Variants in PANK1 observed in about 807,000 individuals in gnomAD.
PANK1 encodes pantothenate kinase 1, also known as pantothenic acid kinase 1.
In PANK1, 18 loss-of-function variants were observed where a neutral mutation model predicts 40.1. The ratio of observed to expected loss-of-function variants is 0.45; its 90% CI spans 0.31 to 0.67. PANK1 has a LOEUF of 0.67. Ranked by LOEUF, PANK1 falls within the 30% of genes least tolerant of loss-of-function variation. The pLI is 0.06. For missense variants in PANK1, 457 were observed against 599.6 expected (o/e 0.76, Z 2.48); for synonymous variants, 242 against 237.7 (o/e 1.02, Z -0.17).
intron 1 of PANK1, among the ~76,000 whole-genome samples, chr10:89,633,380 T>A (rs1289907879): frequency 6.6e-6 from 1 of 152,116 alleles, no homozygotes; most frequent in Non-Finnish European, 1.5e-5. Flanking sequence ...CCCCAAAGAA[T>A]AAATCACTTT....
Position 89,588,774 on chromosome 10 carries a change from T to C in PANK1, c.1204A>G (p.Ile402Val), listed in dbSNP as rs1360467779. 1.8e-5 allele frequency: 29 copies of C among 1,574,278 alleles called. No individual in the cohort carries two copies. The highest frequency in any genetic ancestry group is 2.3e-5 in the Non-Finnish European group (27 of 1,164,864). The change falls in exon 6 of 7, where the codon ATA (isoleucine) becomes GTA (valine). Residue 402 changes from isoleucine (I) to valine (V), a missense_variant. By Grantham distance (29) the Ile-to-Val change is conservative (BLOSUM62 3). Coordinates refer to ENST00000307534, the MANE Select transcript of PANK1 (RefSeq NM_148977.3). ...IARMCALNEN[I>V]DRVVFVGNFL... is the part of the protein sequence containing the mutation. ...TTTCCAACAAACACAACTCTGTCTATGTTCTGGAAAAAATATTAAAGAAAA... is the reference window on the plus strand; with the variant it reads ...TTTCCAACAAACACAACTCTGTCTACGTTCTGGAAAAAATATTAAAGAAAA...
At position 89,593,722 on chromosome 10, in the gene PANK1, G is replaced by T; in HGVS notation, c.1076+91C>A. ...AACAGGTATCTGCACCAGGCTGGTG[G>T]ACTGACATTTTAAAACAACTTAGTG... is the stretch of plus-strand genomic sequence containing the variant. On this transcript the variant is annotated intron_variant, in intron 4 of 6. Coordinates refer to ENST00000307534, the MANE Select transcript of PANK1 (RefSeq NM_148977.3). 3 of 930,058 alleles carry T rather than the reference G, an allele frequency of 3.2e-6. No individual in the cohort carries two copies. In the East Asian group the frequency reaches 7.3e-5, roughly 22 times the overall value. 57.6% of individuals were successfully genotyped at this position (930,058 alleles called of 1,614,324 possible).
intron 6 of PANK1, among the ~76,000 whole-genome samples, chr10:89,585,869 T>G (rs1335760066): frequency 6.6e-6 from 1 of 152,206 alleles, no homozygotes; most frequent in Non-Finnish European, 1.5e-5. Flanking sequence ...AAGGCCCGCG[T>G]AAGCCAGAGG....
Position 89,645,191 on chromosome 10 carries a change from C to A in PANK1, c.-300G>T. On this transcript the variant is annotated 5_prime_UTR_variant, in exon 1 of 7. Transcript: ENST00000307534. ...CCGGGGCTCCCGCCGCCCGCCTTCCCCTGATCCCCAGGCCGCGCGACTTCA... is the reference window on the plus strand; with the variant it reads ...CCGGGGCTCCCGCCGCCCGCCTTCCACTGATCCCCAGGCCGCGCGACTTCA... 1 of 1,588,298 alleles carries A rather than the reference C, an allele frequency of 6.3e-7. No individual in the cohort carries two copies. The highest frequency in any genetic ancestry group is 2.4e-5 in the East Asian group (1 of 40,892).
At chr10:89,630,024 G>T (rs943666995) in intron 1 of PANK1, among the ~76,000 whole-genome samples, 2 of 152,186 alleles carry the variant, frequency 1.3e-5, no homozygotes, top group African/African-American at 2.4e-5. Flanking sequence ...GGACTTGACA[G>T]GTTACCCATT....
chr10:89,608,089 T>C (rs1023104826), intron 2 of PANK1, among the ~76,000 whole-genome samples: 6 of 150,368 alleles, frequency 4.0e-5, no homozygotes, highest in African/African-American at 1.5e-4. Flanking sequence ...TGGAGTGCAG[T>C]GTTGCCATCT....
At chr10:89,580,101 A>G (rs780268197), downstream of PANK1, 5 of 152,240 alleles carry the variant, frequency 3.3e-5, no homozygotes, top group African/African-American at 4.8e-5. Flanking sequence ...TTCTTGCTCA[A>G]TGAATAGACT....
chr10:89,604,440 C>G (rs1321406961), intron 2 of PANK1, among the ~76,000 whole-genome samples: 1 of 151,994 alleles, frequency 6.6e-6, no homozygotes, highest in Non-Finnish European at 1.5e-5. Context: ...GCCTGTAATC[C>G]CAGCACTTTG....
intron 1 of PANK1, among the ~76,000 whole-genome samples, chr10:89,632,381 C>T (rs1481214703): frequency 6.6e-6 from 1 of 152,012 alleles, no homozygotes; most frequent in African/African-American, 2.4e-5. Context: ...TAACCATAAA[C>T]ATATAATGAA....
At chr10:89,597,535 A>C (rs796545971) in intron 3 of PANK1, among the ~76,000 whole-genome samples, 12 of 152,346 alleles carry the variant, frequency 7.9e-5, no homozygotes, top group African/African-American at 2.9e-4. Flanking sequence ...ATTTATAGAC[A>C]TTATTACACA....
At chr10:89,586,959 C>T (rs1053052612) in intron 6 of PANK1, among the ~76,000 whole-genome samples, 1 of 151,968 alleles carries the variant, frequency 6.6e-6, no homozygotes, top group Non-Finnish European at 1.5e-5. Flanking sequence ...AAACCCTCTA[C>T]TAAAAATATG....
chr10:89,582,023 A>AT (rs1320817133), downstream of PANK1: 5 of 152,180 alleles, frequency 3.3e-5, no homozygotes, highest in Non-Finnish European at 7.3e-5. Context: ...TAAATAATTT[A>AT]TTTTTTCATT....
At chr10:89,589,313 C>T (rs1844299178) in intron 5 of PANK1, among the ~76,000 whole-genome samples, 1 of 152,186 alleles carries the variant, frequency 6.6e-6, no homozygotes, top group Admixed American at 6.5e-5. Context: ...TTGGCCAACA[C>T]ATGAGTTAAA....
intron 1 of PANK1, among the ~76,000 whole-genome samples, 160 bp from the exon 2 acceptor site, chr10:89,612,208 G>A (rs1183684593): frequency 6.6e-6 from 1 of 152,190 alleles, no homozygotes; most frequent in Non-Finnish European, 1.5e-5. Flanking sequence ...AGGTGGCACA[G>A]ACAGAGAAAA....
chr10:89,630,196 A>G (rs958839687), intron 1 of PANK1, among the ~76,000 whole-genome samples: 7 of 152,218 alleles, frequency 4.6e-5, no homozygotes, highest in Admixed American at 4.6e-4. Flanking sequence ...TACCGGCCAA[A>G]CGTTAAGACT....
intron 2 of PANK1, among the ~76,000 whole-genome samples, chr10:89,603,362 A>T (rs543051866): frequency 2.6e-4 from 40 of 152,216 alleles, no homozygotes; most frequent in African/African-American, 8.9e-4. Flanking sequence ...GGAGAGTATC[A>T]GTTCTGCCAA....
chr10:89,606,857 C>A (rs553662231), intron 2 of PANK1, among the ~76,000 whole-genome samples: 1 of 152,210 alleles, frequency 6.6e-6, no homozygotes, highest in Non-Finnish European at 1.5e-5. Flanking sequence ...GCTTCCTCCC[C>A]TCTCTCAGAC....
At chr10:89,633,325 AC>A (rs1841706450) in intron 1 of PANK1, among the ~76,000 whole-genome samples, 1 of 152,120 alleles carries the variant, frequency 6.6e-6, no homozygotes, top group African/African-American at 2.4e-5. Flanking sequence ...AATTAATGGT[AC>A]CCCTACCACT....
At chr10:89,616,062 C>T (rs1011430568) in intron 1 of PANK1, among the ~76,000 whole-genome samples, 5 of 152,340 alleles carry the variant, frequency 3.3e-5, no homozygotes, top group Admixed American at 3.3e-4. Flanking sequence ...CCCCTTACTC[C>T]TCCTTAAACC....
Sources: allele counts gnomAD v4.1 joint callset (sites outside exome capture counted in the v4.1 genomes callset), GRCh38; gene constraint gnomAD v4.1.1; transcripts MANE v1.5; gene names NCBI Gene and HGNC (gene_info 2026-07-23, HGNC 2026-07-21).